Variants in LEF1 observed in about 807,000 individuals in gnomAD.
The protein encoded by LEF1 is lymphoid enhancer-binding factor 1.
A neutral mutation model predicts 51.2 loss-of-function variants in LEF1; 14 were observed. That is an observed-to-expected ratio of 0.27 (90% CI 0.18 to 0.43). The LOEUF (loss-of-function observed/expected upper bound fraction) is 0.43, where lower values mean the gene tolerates loss of function less well. Among genes scored for constraint, LEF1 ranks in the 20% least tolerant of loss-of-function variants. The pLI is 1.00. For synonymous variants in LEF1, 185 were observed against 183.2 expected (o/e 1.01, Z -0.08); for missense variants, 386 against 512.0 (o/e 0.75, Z 2.37).
chr4:108,070,099 TTGTA>T (rs1265440513), intron 9 of LEF1, among the ~76,000 whole-genome samples: 2 of 152,122 alleles, frequency 1.3e-5, no homozygotes, highest in African/African-American at 4.8e-5. Flanking sequence ...ATATTTACAT[TTGTA>T]AGAAAAACAA....
chr4:108,136,337 C>G (rs1743263758), intron 3 of LEF1, among the ~76,000 whole-genome samples: 1 of 152,126 alleles, frequency 6.6e-6, no homozygotes, highest in Non-Finnish European at 1.5e-5. Context: ...CCCCCCAAAA[C>G]CTTCAAAACT....
chr4:108,165,053 C>A, intron 2 of LEF1, 44 bp downstream of exon 2: 2 of 1,560,848 alleles, frequency 1.3e-6, no homozygotes, highest in Non-Finnish European at 1.8e-6. Flanking sequence ...ACAAATTGCA[C>A]CCCTTATCTG....
chr4:108,104,515 T>C (rs1211883237), intron 3 of LEF1, among the ~76,000 whole-genome samples: 1 of 149,018 alleles, frequency 6.7e-6, no homozygotes, highest in East Asian at 1.9e-4. Flanking sequence ...AATATACATA[T>C]TATATCTCTG....
chr4:108,139,269 G>T (rs982886437), intron 3 of LEF1, among the ~76,000 whole-genome samples: 1 of 152,212 alleles, frequency 6.6e-6, no homozygotes, highest in Non-Finnish European at 1.5e-5. Flanking sequence ...CCATCAGTGC[G>T]TGGTTGTTTT....
chr4:108,079,520 G>T lies in LEF1; in HGVS notation c.817C>A (p.Pro273Thr), dbSNP rs1328992248. The T allele has an allele frequency of 1.9e-6, 3 of 1,614,136 alleles. No individual in the cohort carries two copies. The highest frequency in any genetic ancestry group is 2.5e-6 in the Non-Finnish European group (3 of 1,179,996). Reference sequence around the variant, plus strand: ...TGCATTAGGTCACTGTCAGTGTGGGGATGTTCCTGTTTGACCTGAGGTGTT... The same window carrying T: ...TGCATTAGGTCACTGTCAGTGTGGGTATGTTCCTGTTTGACCTGAGGTGTT... Reference protein sequence around the residue: ...IVTPQVKQEHPHTDSDLMHVK... With the variant: ...IVTPQVKQEHTHTDSDLMHVK... The change falls in exon 7 of 12, where the codon CCC (proline) becomes ACC (threonine). Residue 273 changes from proline to threonine, a missense_variant. By Grantham distance (38) the Pro-to-Thr change is conservative. Coordinates refer to ENST00000265165, the MANE Select transcript of LEF1 (RefSeq NM_016269.5).
chr4:108,146,134 A>T (rs1230333803), intron 3 of LEF1, among the ~76,000 whole-genome samples: 1 of 152,252 alleles, frequency 6.6e-6, no homozygotes, highest in Non-Finnish European at 1.5e-5. Flanking sequence ...TCTCCTGGAC[A>T]TGTTCTCCAT....
intron 3 of LEF1, among the ~76,000 whole-genome samples, chr4:108,160,588 C>T (rs1372635003): frequency 1.3e-5 from 2 of 152,048 alleles, no homozygotes; most frequent in East Asian, 3.9e-4. Flanking sequence ...ACATTCACAC[C>T]CCTAAGGATT....
At position 108,133,348 on chromosome 4, in the gene LEF1, A is replaced by G. The variant is rs547603761; in HGVS notation, c.414+30220T>C. 6.6e-5 allele frequency among the ~76,000 whole-genome samples: 10 copies of G among 152,352 alleles called. No homozygotes were observed. In the South Asian group the frequency reaches 1.9e-3, roughly 28 times the overall value. On this transcript the variant is annotated intron_variant, in intron 3 of 11. Transcript: ENST00000265165. ...ATCATGTAACTTTTATTTAAATGTG[A>G]CAGTGACTATGTAATCATGGAATAC... is the stretch of plus-strand genomic sequence containing the variant.
chr4:108,142,219 C>T (rs1033087792), intron 3 of LEF1, among the ~76,000 whole-genome samples: 7 of 152,216 alleles, frequency 4.6e-5, no homozygotes, highest in Non-Finnish European at 1.0e-4. Context: ...CCTGCTCCTC[C>T]TTAGCCCTTT....
chr4:108,069,267 C>T (rs1317699793), intron 9 of LEF1, among the ~76,000 whole-genome samples: 2 of 152,182 alleles, frequency 1.3e-5, no homozygotes, highest in African/African-American at 4.8e-5. Flanking sequence ...TCACCATGTC[C>T]ATGGTATTTT....
intron 4 of LEF1, among the ~76,000 whole-genome samples, chr4:108,087,526 T>G (rs941504821): frequency 2.0e-5 from 3 of 152,158 alleles, no homozygotes. Flanking sequence ...ACTATAAGCG[T>G]AACTGAGAGC....
intron 1 of LEF1, chr4:108,166,578 A>C (rs1385469297): frequency 2.6e-6 from 3 of 1,162,498 alleles, no homozygotes; most frequent in African/African-American, 3.2e-5. Flanking sequence ...ACTAGGCTTC[A>C]AACAGCCCTC....
intron 3 of LEF1, among the ~76,000 whole-genome samples, chr4:108,137,605 G>A (rs1743382557): frequency 6.6e-6 from 1 of 152,086 alleles, no homozygotes; most frequent in Non-Finnish European, 1.5e-5. Context: ...GAACGGTATT[G>A]GTTACTTTGC....
chr4:108,166,229 T>C (rs534197134), intron 1 of LEF1: 309 of 1,531,910 alleles, frequency 2.0e-4, no homozygotes, highest in Non-Finnish European at 2.1e-4. Context: ...CACCATTCTG[T>C]TCTCTGAACG....
chr4:108,049,397 G>A (rs1222668416), intron 11 of LEF1, among the ~76,000 whole-genome samples: 1 of 152,142 alleles, frequency 6.6e-6, no homozygotes, highest in Non-Finnish European at 1.5e-5. Context: ...CCAGATATTG[G>A]TGATAATGAT....
At chr4:108,062,287 T>G (rs941347461) in intron 11 of LEF1, among the ~76,000 whole-genome samples, 1 of 152,156 alleles carries the variant, frequency 6.6e-6, no homozygotes, top group African/African-American at 2.4e-5. Context: ...CCTGGTTTAG[T>G]CAAAAGCCAA....
At chr4:108,106,911 T>C (rs1260329011) in intron 3 of LEF1, among the ~76,000 whole-genome samples, 2 of 152,180 alleles carry the variant, frequency 1.3e-5, no homozygotes, top group African/African-American at 4.8e-5. Context: ...CCCATCTGCA[T>C]GGAGGCGGAC....
chr4:108,163,581 G>A lies in LEF1; in HGVS notation c.401C>T (p.Pro134Leu). The A allele has an allele frequency of 6.2e-7, 1 of 1,612,800 alleles. No homozygotes were observed. The highest frequency in any genetic ancestry group is 8.5e-7 in the Non-Finnish European group (1 of 1,179,400). Reference protein sequence around the residue: ...PYMSNGSLSPPIPRTSNKVPV... With the variant: ...PYMSNGSLSPLIPRTSNKVPV... ...CATGTTACTTACTGTTCTCGGGATG[G>A]GTGGAGAAAGAGATCCATTTGACAT... The change falls in exon 3 of 12, where the codon CCC (proline) becomes CTC (leucine). Residue 134 changes from proline (P) to leucine (L), a missense_variant. Physicochemically the swap from Pro to Leu is moderately conservative, Grantham distance 98 (BLOSUM62 -3). Around this residue, in one of 2 missense-constraint regions of LEF1, gnomAD observed 335 missense variants for 390.7 expected, o/e 0.86. Transcript: ENST00000265165.
chr4:108,161,720 T>G (rs1745064526), intron 3 of LEF1, among the ~76,000 whole-genome samples: 1 of 152,218 alleles, frequency 6.6e-6, no homozygotes, highest in Admixed American at 6.5e-5. Context: ...ATATTGATTT[T>G]TTAAAATTAC....
Sources: allele counts gnomAD v4.1 joint callset (sites outside exome capture counted in the v4.1 genomes callset), GRCh38; gene constraint gnomAD v4.1.1; regional missense constraint gnomAD v4.1.1; transcripts MANE v1.5; gene names NCBI Gene and HGNC (gene_info 2026-07-23, HGNC 2026-07-21).